The following ZMAT4 variants were observed in gnomAD, a reference collection of about 807,000 sequenced individuals.
The protein encoded by ZMAT4 is zinc finger matrin-type 4.
A neutral mutation model predicts 28.7 loss-of-function variants in ZMAT4; 17 were observed. The ratio of observed to expected loss-of-function variants is 0.59; its 90% CI spans 0.41 to 0.89. ZMAT4 has a LOEUF of 0.89. Ranked by LOEUF, ZMAT4 falls within the 40% of genes least tolerant of loss-of-function variation. The pLI is 0.00. For synonymous variants in ZMAT4, 117 were observed against 109.2 expected (o/e 1.07, Z -0.44); for missense variants, 240 against 283.8 (o/e 0.85, Z 1.11).
At chr8:40,621,719 A>G (rs1383209387) in intron 5 of ZMAT4, among the ~76,000 whole-genome samples, 2 of 152,214 alleles carry the variant, frequency 1.3e-5, no homozygotes, top group Non-Finnish European at 2.9e-5. Flanking sequence ...GGGAATCAGG[A>G]AAATATTGCA....
intron 5 of ZMAT4, among the ~76,000 whole-genome samples, chr8:40,667,406 G>A (rs1037235130): frequency 3.3e-5 from 5 of 152,068 alleles, no homozygotes; most frequent in African/African-American, 1.2e-4. Flanking sequence ...CACCCACCTT[G>A]GCCTCCCAAA....
intron 5 of ZMAT4, among the ~76,000 whole-genome samples, chr8:40,663,574 A>C (rs1191507147): frequency 6.6e-6 from 1 of 152,148 alleles, no homozygotes; most frequent in African/African-American, 2.4e-5. Flanking sequence ...CTATTTTCCC[A>C]CTTCATTCCT....
At chr8:40,614,331 T>C (rs1002422896) in intron 5 of ZMAT4, among the ~76,000 whole-genome samples, 1 of 152,214 alleles carries the variant, frequency 6.6e-6, no homozygotes, top group Non-Finnish European at 1.5e-5. Context: ...TTTTTCTTTT[T>C]CAAGTATGAA....
chr8:40,806,279 A>G (rs1472233370), intron 2 of ZMAT4, among the ~76,000 whole-genome samples: 2 of 152,166 alleles, frequency 1.3e-5, no homozygotes, highest in African/African-American at 2.4e-5. Flanking sequence ...ATGGAAGCAA[A>G]CACCTAGCAT....
At chr8:40,674,134 G>GC (rs1808806640) in intron 5 of ZMAT4, among the ~76,000 whole-genome samples, 1 of 118,524 alleles carries the variant, frequency 8.4e-6, no homozygotes, top group Non-Finnish European at 1.6e-5. Context: ...TCACTCTGTT[G>GC]CCCAGGCTGG....
intron 6 of ZMAT4, among the ~76,000 whole-genome samples, chr8:40,556,188 C>T (rs1041377275): frequency 6.6e-6 from 1 of 152,160 alleles, no homozygotes; most frequent in African/African-American, 2.4e-5. Context: ...CACCCATGCT[C>T]ATGGTTTTAA....
intron 2 of ZMAT4, among the ~76,000 whole-genome samples, chr8:40,813,193 T>G (rs531489897): frequency 1.3e-5 from 2 of 152,058 alleles, no homozygotes; most frequent in Non-Finnish European, 2.9e-5. Context: ...AAAAAATCCA[T>G]GCCCACAAAG....
chr8:40,609,246 A>G (rs568370322), intron 5 of ZMAT4, among the ~76,000 whole-genome samples: 15 of 152,246 alleles, frequency 9.9e-5, no homozygotes, highest in Middle Eastern at 3.2e-3. Flanking sequence ...AACAGAATTA[A>G]TATTACTCTA....
chr8:40,631,183 T>C (rs1469920750), intron 5 of ZMAT4, among the ~76,000 whole-genome samples: 2 of 101,332 alleles, frequency 2.0e-5, no homozygotes, highest in Non-Finnish European at 4.9e-5. Context: ...GTTTGTTTGT[T>C]TGTTTATTTG....
At chr8:40,614,337 A>G in intron 5 of ZMAT4, among the ~76,000 whole-genome samples, 1 of 152,334 alleles carries the variant, frequency 6.6e-6, no homozygotes, top group South Asian at 2.1e-4. Flanking sequence ...TTTTTCAAGT[A>G]TGAAGGGAAA....
chr8:40,559,354 G>A (rs897721096), intron 6 of ZMAT4, among the ~76,000 whole-genome samples: 1 of 152,038 alleles, frequency 6.6e-6, no homozygotes, highest in Non-Finnish European at 1.5e-5. Flanking sequence ...AGCGAACATG[G>A]GACACATGTA....
chr8:40,695,442 G>C (rs1017073317), intron 4 of ZMAT4, among the ~76,000 whole-genome samples: 5 of 152,322 alleles, frequency 3.3e-5, no homozygotes, highest in African/African-American at 1.2e-4. Flanking sequence ...GGGTGTGAAG[G>C]GGGAGCTGGC....
chr8:40,610,216 A>G (rs552803061), intron 5 of ZMAT4, among the ~76,000 whole-genome samples: 1 of 152,378 alleles, frequency 6.6e-6, no homozygotes, highest in East Asian at 1.9e-4. Context: ...TAATACATCC[A>G]GGAAATAGAT....
chr8:40,887,044 G>A (rs572638587), intron 1 of ZMAT4, among the ~76,000 whole-genome samples: 7 of 151,802 alleles, frequency 4.6e-5, no homozygotes, highest in Admixed American at 3.9e-4. Context: ...GGTGGCGGGC[G>A]CCTGTAGTCC....
intron 5 of ZMAT4, among the ~76,000 whole-genome samples, chr8:40,653,288 C>A (rs1807765954): frequency 6.6e-6 from 1 of 151,780 alleles, no homozygotes; most frequent in South Asian, 2.1e-4. Context: ...ATAAATAAAA[C>A]ATTTAAAAAC....
At chr8:40,598,164 A>G (rs1805165102) in intron 5 of ZMAT4, among the ~76,000 whole-genome samples, 1 of 152,208 alleles carries the variant, frequency 6.6e-6, no homozygotes, top group Admixed American at 6.5e-5. Context: ...TTTGAACATG[A>G]AAGTAATGCA....
intron 3 of ZMAT4, among the ~76,000 whole-genome samples, chr8:40,754,336 T>G (rs1812584952): frequency 6.6e-6 from 1 of 152,138 alleles, no homozygotes; most frequent in Admixed American, 6.5e-5. Context: ...GGAAAACAAT[T>G]ATTTCCACAG....
intron 4 of ZMAT4, among the ~76,000 whole-genome samples, chr8:40,678,723 C>G (rs967453732): frequency 1.3e-5 from 2 of 152,132 alleles, no homozygotes; most frequent in African/African-American, 4.8e-5. Flanking sequence ...TGCATTGGCT[C>G]TCTTCTAGTA....
chr8:40,874,611 G>T (rs1217856892), intron 1 of ZMAT4, among the ~76,000 whole-genome samples: 1 of 152,148 alleles, frequency 6.6e-6, no homozygotes, highest in Non-Finnish European at 1.5e-5. Flanking sequence ...TGAAAATTAT[G>T]AAAATTCTGC....
Sources: allele counts gnomAD v4.1 joint callset (sites outside exome capture counted in the v4.1 genomes callset), GRCh38; gene constraint gnomAD v4.1.1; transcripts MANE v1.5; gene names NCBI Gene and HGNC (gene_info 2026-07-23, HGNC 2026-07-21).